The following ZCWPW2 variants were observed in gnomAD, a reference collection of about 807,000 sequenced individuals.
The protein encoded by ZCWPW2 is zinc finger CW-type PWWP domain protein 2.
Under a neutral mutation model 46.6 loss-of-function variants are expected in ZCWPW2, and 45 were observed. That is an observed-to-expected ratio of 0.96 (90% CI 0.76 to 1.24). The LOEUF (loss-of-function observed/expected upper bound fraction) is 1.24, where lower values mean the gene tolerates loss of function less well. Ranked by LOEUF, ZCWPW2 falls within the 50% of genes most tolerant of loss-of-function variation. The pLI is 0.00. For missense variants in ZCWPW2, 429 were observed against 403.9 expected, an observed-to-expected ratio of 1.06 and a Z score of -0.53; for synonymous variants, 152 against 137.1, an observed-to-expected ratio of 1.11 and a Z score of -0.76.
intron 4 of ZCWPW2, among the ~76,000 whole-genome samples, chr3:28,474,835 TTG>T (rs146809370): frequency 7.7e-6 from 1 of 130,136 alleles, no homozygotes. Flanking sequence ...GTTGTTGTTG[TTG>T]TTGTTTGTTT....
At chr3:28,458,674 A>G (rs935455811) in intron 4 of ZCWPW2, among the ~76,000 whole-genome samples, 7 of 152,244 alleles carry the variant, frequency 4.6e-5, no homozygotes, top group African/African-American at 1.7e-4. Flanking sequence ...TCTCATCTTC[A>G]TAAGCATACC....
chr3:28,365,688 T>C lies in ZCWPW2; in HGVS notation c.-134+16485T>C, dbSNP rs535920887. ...GTTTTCTCCAATTCTGTGAAGAAAG[T>C]CATTGGTAGCTTGATGGGGATGACA... On this transcript the variant is annotated intron_variant, in intron 1 of 9. Transcript: ENST00000383768. 5.0e-5 allele frequency among the ~76,000 whole-genome samples: 7 copies of C among 141,288 alleles called. 1 individual carries two copies. In the South Asian group the frequency reaches 1.6e-3, roughly 32 times the overall value. 92.7% of individuals were successfully genotyped at this position (141,288 alleles called of 152,430 possible).
In ZCWPW2 at chr3:28,438,605, A is replaced by G. The variant is rs1470706195; in HGVS notation, c.492+3336A>G. Among the ~76,000 whole-genome samples, 9 of 152,338 alleles carry G rather than the reference A, an allele frequency of 5.9e-5. No homozygotes were observed. In the East Asian group the frequency reaches 1.7e-3, roughly 29 times the overall value. ...AAACTTACCACATTATTAGACTTAT[A>G]TGTCCAGTTTTCAACAAAAATTCAT... On this transcript the variant is annotated intron_variant, in intron 4 of 9. Transcript: ENST00000383768.
At chr3:28,468,344 C>G (rs756640352) in intron 4 of ZCWPW2, among the ~76,000 whole-genome samples, 1 of 151,328 alleles carries the variant, frequency 6.6e-6, no homozygotes, top group Non-Finnish European at 1.5e-5. Context: ...GCAAATCTAA[C>G]AGTTATTGGC....
intron 2 of ZCWPW2, among the ~76,000 whole-genome samples, chr3:28,412,553 C>T (rs1240743044): frequency 6.6e-6 from 1 of 151,996 alleles, no homozygotes; most frequent in African/African-American, 2.4e-5. Flanking sequence ...TCCAGCTCTA[C>T]TGTGTACCAG....
At chr3:28,377,996 A>G (rs1348493089) in intron 1 of ZCWPW2, among the ~76,000 whole-genome samples, 1 of 152,042 alleles carries the variant, frequency 6.6e-6, no homozygotes, top group Non-Finnish European at 1.5e-5. Context: ...TTCTACCTTC[A>G]TGTCTGACTT....
At chr3:28,524,017 A>G (rs1055504669) in intron 9 of ZCWPW2, among the ~76,000 whole-genome samples, 1 of 152,136 alleles carries the variant, frequency 6.6e-6, no homozygotes, top group South Asian at 2.1e-4. Context: ...CCCTTGAATT[A>G]CATGGGAAGT....
chr3:28,477,425 G>A (rs1246972350), intron 4 of ZCWPW2, among the ~76,000 whole-genome samples: 4 of 152,080 alleles, frequency 2.6e-5, no homozygotes, highest in African/African-American at 9.7e-5. Context: ...TATACCATGA[G>A]GTATAGGCAA....
At chr3:28,439,383 A>G (rs989907053) in intron 4 of ZCWPW2, among the ~76,000 whole-genome samples, 1 of 152,046 alleles carries the variant, frequency 6.6e-6, no homozygotes, top group South Asian at 2.1e-4. Context: ...TGCCTGCTTT[A>G]TACTTGCTGG....
At chr3:28,429,793 C>T (rs759666427) in intron 3 of ZCWPW2, among the ~76,000 whole-genome samples, 17 of 152,182 alleles carry the variant, frequency 1.1e-4, no homozygotes, top group Non-Finnish European at 2.2e-4. Context: ...TCAAATGCAG[C>T]TCAGACTGTT....
chr3:28,433,474 T>G (rs111969137), intron 3 of ZCWPW2, among the ~76,000 whole-genome samples: 1,597 of 152,184 alleles, frequency 0.01, 40 homozygotes, highest in African/African-American at 0.037. Context: ...TTCATTTAAA[T>G]AAAGAAAACA....
At chr3:28,453,792 T>C (rs1248883566) in intron 4 of ZCWPW2, among the ~76,000 whole-genome samples, 4 of 148,036 alleles carry the variant, frequency 2.7e-5, no homozygotes, top group Non-Finnish European at 4.4e-5. Flanking sequence ...AGTTTATAAT[T>C]GTGTATATTT....
At chr3:28,412,700 G>C (rs1696450207) in intron 2 of ZCWPW2, among the ~76,000 whole-genome samples, 1 of 152,044 alleles carries the variant, frequency 6.6e-6, no homozygotes, top group East Asian at 1.9e-4. Context: ...TGCATAGTCA[G>C]CATTCAGTAA....
intron 4 of ZCWPW2, among the ~76,000 whole-genome samples, chr3:28,468,201 T>C (rs1032026740): frequency 2.6e-5 from 4 of 151,624 alleles, no homozygotes; most frequent in African/African-American, 4.8e-5. Flanking sequence ...AGAGTCTCAA[T>C]AGCAGAATTG....
At chr3:28,498,238 CGTGTGTGTGTGTGTGT>C (rs56760870) in intron 6 of ZCWPW2, among the ~76,000 whole-genome samples, 2 of 145,488 alleles carry the variant, frequency 1.4e-5, no homozygotes, top group Non-Finnish European at 3.0e-5. Flanking sequence ...TACATATATA[CGTGTGTGTGTGTGTGT>C]GTGTGTGTGT....
At chr3:28,515,262 T>C (rs1207003205) in intron 7 of ZCWPW2, among the ~76,000 whole-genome samples, 1 of 152,172 alleles carries the variant, frequency 6.6e-6, no homozygotes, top group Non-Finnish European at 1.5e-5. Context: ...TCAGTTTCTT[T>C]ATATAATGAC....
At chr3:28,430,783 C>A (rs1166571321) in intron 3 of ZCWPW2, among the ~76,000 whole-genome samples, 1 of 152,088 alleles carries the variant, frequency 6.6e-6, no homozygotes, top group Non-Finnish European at 1.5e-5. Flanking sequence ...TTATAAGGAG[C>A]TTTCCCCCCT....
chr3:28,368,265 T>C (rs909178841), intron 1 of ZCWPW2, among the ~76,000 whole-genome samples: 3 of 152,152 alleles, frequency 2.0e-5, no homozygotes, highest in African/African-American at 7.2e-5. Context: ...ATTTGGCATG[T>C]TTTTGCAGTG....
rs1044686299 is a variant in ZCWPW2 at position 28,435,341 on chromosome 3, C to A, written c.492+72C>A. The stretch of plus-strand genomic sequence containing the variant: ...AGTTATGGTAATTTTTATCTTTGAT[C>A]ATAAAATATGTATAAGTTGCTTTTA... On this transcript the variant is annotated intron_variant, in intron 4 of 9. Coordinates refer to ENST00000383768, the MANE Select transcript of ZCWPW2 (RefSeq NM_001040432.4). 27 of 1,446,548 alleles carry A rather than the reference C, an allele frequency of 1.9e-5. No homozygotes were observed. In the African/African-American group the frequency reaches 2.9e-4, roughly 15 times the overall value. 89.6% of individuals were successfully genotyped at this position (1,446,548 alleles called of 1,614,324 possible).
Sources: allele counts gnomAD v4.1 joint callset (sites outside exome capture counted in the v4.1 genomes callset), GRCh38; gene constraint gnomAD v4.1.1; transcripts MANE v1.5; gene names NCBI Gene and HGNC (gene_info 2026-07-23, HGNC 2026-07-21).